CLASP1: variants seen among roughly 807,000 people sequenced by gnomAD.
CLASP1 encodes CLIP-associating protein 1.
A neutral mutation model predicts 192.3 loss-of-function variants in CLASP1; 38 were observed. The ratio of observed to expected loss-of-function variants is 0.20; its 90% confidence interval spans 0.15 to 0.26. The LOEUF (loss-of-function observed/expected upper bound fraction) is 0.26, where lower values mean the gene tolerates loss of function less well. CLASP1 is among the 10% of genes least tolerant of loss of function. CLASP1 has a pLI of 1.00. For synonymous variants in CLASP1, 691 were observed against 712.8 expected (o/e 0.97, Z 0.49); for missense variants, 1,433 against 1,932.5 (o/e 0.74, Z 4.85).
At chr2:121,536,730 G>C (rs1319888536) in intron 2 of CLASP1, among the ~76,000 whole-genome samples, 1 of 152,226 alleles carries the variant, frequency 6.6e-6, no homozygotes, top group Non-Finnish European at 1.5e-5. Flanking sequence ...GAAACACCTA[G>C]AGTAGTCAAA....
chr2:121,620,849 T>C (rs1220805439), intron 1 of CLASP1, among the ~76,000 whole-genome samples: 1 of 152,236 alleles, frequency 6.6e-6, no homozygotes, highest in South Asian at 2.1e-4. Context: ...CTTCATTTTC[T>C]TGATGGTGCC....
In CLASP1 at chr2:121,549,536, G is replaced by A. The variant is rs2057809402; in HGVS notation, c.196-19211C>T. Among the ~76,000 whole-genome samples the A allele has an allele frequency of 4.6e-5, 7 of 151,898 alleles. No individual in the cohort carries two copies. The South Asian group carries it at 1.5e-3, about 32-fold the overall frequency. ...TGACAATATTAGACAGATCATCAAG[G>A]CAGAAAATTTATAAAGATATTCAAG... On this transcript the variant is annotated intron_variant, in intron 2 of 39. Coordinates refer to ENST00000263710, the Ensembl canonical transcript of CLASP1.
intron 7 of CLASP1, among the ~76,000 whole-genome samples, chr2:121,508,138 A>G (rs970789779): frequency 2.6e-5 from 4 of 152,318 alleles, no homozygotes; most frequent in South Asian, 2.1e-4. Flanking sequence ...CTTGTCCTAC[A>G]TAACTTAAAA....
intron 9 of CLASP1, among the ~76,000 whole-genome samples, chr2:121,468,601 C>T (rs964643641): frequency 3.3e-5 from 5 of 152,108 alleles, no homozygotes; most frequent in Non-Finnish European, 1.5e-5. Context: ...TACAGGAATG[C>T]TAGCGATATT....
chr2:121,473,973 CAG>C (rs767384603), intron 8 of CLASP1, among the ~76,000 whole-genome samples: 2 of 152,114 alleles, frequency 1.3e-5, no homozygotes, highest in Admixed American at 6.5e-5. Flanking sequence ...AAAATGATAC[CAG>C]TTGGAAACTT....
intron 1 of CLASP1, among the ~76,000 whole-genome samples, chr2:121,623,427 A>G (rs454084): frequency 0.04 from 6,042 of 152,298 alleles, 194 homozygotes; most frequent in African/African-American, 0.085. Context: ...TGCTATGTTC[A>G]GTTTGCAAGT....
intron 36 of CLASP1, among the ~76,000 whole-genome samples, chr2:121,363,959 C>A (rs2066900893): frequency 6.6e-6 from 1 of 152,210 alleles, no homozygotes; most frequent in Non-Finnish European, 1.5e-5. Flanking sequence ...CTGTACAGTT[C>A]ACACACTAAT....
chr2:121,473,734 C>T (rs774639871), intron 8 of CLASP1, among the ~76,000 whole-genome samples: 2 of 152,166 alleles, frequency 1.3e-5, no homozygotes, highest in Non-Finnish European at 2.9e-5. Flanking sequence ...ACATAGCACA[C>T]AGAAGAACAA....
chr2:121,515,198 T>C (rs1016901275), intron 7 of CLASP1, among the ~76,000 whole-genome samples: 1 of 152,218 alleles, frequency 6.6e-6, no homozygotes, highest in Admixed American at 6.5e-5. Context: ...CTTATACACA[T>C]TGTGAATGAC....
chr2:121,412,808 A>G (rs565172253), intron 23 of CLASP1, among the ~76,000 whole-genome samples: 1 of 152,308 alleles, frequency 6.6e-6, no homozygotes, highest in East Asian at 1.9e-4. Flanking sequence ...ATCTGGATCT[A>G]AGCAAAACTA....
At chr2:121,585,319 C>A (rs917174169) in intron 2 of CLASP1, among the ~76,000 whole-genome samples, 1 of 152,192 alleles carries the variant, frequency 6.6e-6, no homozygotes, top group African/African-American at 2.4e-5. Context: ...TTCAAGACAT[C>A]TCTGTAGCTT....
At chr2:121,381,423 T>C (rs1351852492) in intron 33 of CLASP1, among the ~76,000 whole-genome samples, 2 of 152,098 alleles carry the variant, frequency 1.3e-5, no homozygotes, top group African/African-American at 2.4e-5. Flanking sequence ...AGGGAAGAGA[T>C]TCTCTGATCT....
intron 1 of CLASP1, among the ~76,000 whole-genome samples, chr2:121,644,843 A>C (rs969071667): frequency 6.6e-6 from 1 of 151,994 alleles, no homozygotes; most frequent in Non-Finnish European, 1.5e-5. Flanking sequence ...CTGTAGTCCC[A>C]GCTACTCAAA....
intron 8 of CLASP1, among the ~76,000 whole-genome samples, chr2:121,484,998 G>A (rs1057042004): frequency 1.3e-5 from 2 of 152,202 alleles, no homozygotes; most frequent in African/African-American, 2.4e-5. Flanking sequence ...AGACAAATCT[G>A]TGATAAAGGC....
intron 2 of CLASP1, among the ~76,000 whole-genome samples, chr2:121,590,173 T>C: frequency 6.6e-6 from 1 of 152,000 alleles, no homozygotes; most frequent in East Asian, 1.9e-4. Flanking sequence ...TCAAGAGAAA[T>C]GGTAACATCC....
At chr2:121,624,668 T>C (rs2067993095) in intron 1 of CLASP1, among the ~76,000 whole-genome samples, 1 of 152,192 alleles carries the variant, frequency 6.6e-6, no homozygotes, top group Non-Finnish European at 1.5e-5. Context: ...CCACCTGCCT[T>C]GGCCTCCCAA....
chr2:121,396,321 T>C (rs562980251), intron 30 of CLASP1, among the ~76,000 whole-genome samples: 5 of 152,334 alleles, frequency 3.3e-5, no homozygotes, highest in East Asian at 1.9e-4. Context: ...AGTAACACTA[T>C]ATAATCCAAA....
intron 2 of CLASP1, among the ~76,000 whole-genome samples, chr2:121,575,866 T>A (rs1251416540): frequency 6.6e-6 from 1 of 152,150 alleles, no homozygotes; most frequent in Admixed American, 6.5e-5. Flanking sequence ...GGGCTTCACA[T>A]TATGAGCTAT....
intron 1 of CLASP1, among the ~76,000 whole-genome samples, chr2:121,624,393 T>C (rs1156978899): frequency 1.3e-5 from 2 of 152,202 alleles, no homozygotes; most frequent in Admixed American, 1.3e-4. Flanking sequence ...GAAAAATGAG[T>C]GGCAGGGGTT....
Sources: gnomAD v4.1 joint callset for allele counts (sites outside exome capture counted in the v4.1 genomes callset) on GRCh38, gnomAD v4.1.1 for gene constraint, MANE v1.5 for transcripts, NCBI Gene and HGNC (gene_info 2026-07-23, HGNC 2026-07-21) for gene names.